FHIT: variants seen among roughly 807,000 people sequenced by gnomAD.
FHIT encodes fragile histidine triad diadenosine triphosphatase, also known as bis(5'-adenosyl)-triphosphatase.
In FHIT, 19 loss-of-function variants were observed where a neutral mutation model predicts 17.9. The observed-to-expected ratio is 1.06, with a 90% CI of 0.74 to 1.56. FHIT has a LOEUF of 1.56. Among genes scored for constraint, FHIT ranks in the 40% most tolerant of loss-of-function variants. The pLI is 0.00. For synonymous variants in FHIT, 81 were observed against 69.7 expected (o/e 1.16, Z -0.81); for missense variants, 248 against 189.2 (o/e 1.31, Z -1.82).
intron 2 of FHIT, among the ~76,000 whole-genome samples, chr3:61,181,543 G>A (rs1054541991): frequency 1.7e-4 from 26 of 152,188 alleles, no homozygotes. Flanking sequence ...CACCTGGCCT[G>A]TCATGTCCAG....
At chr3:60,710,807 G>A (rs1450529713) in intron 4 of FHIT, among the ~76,000 whole-genome samples, 1 of 152,218 alleles carries the variant, frequency 6.6e-6, no homozygotes, top group Non-Finnish European at 1.5e-5. Flanking sequence ...AGATCAAGGA[G>A]GCCTGCCTGC....
intron 8 of FHIT, among the ~76,000 whole-genome samples, chr3:59,907,806 T>C (rs9810994): frequency 0.11 from 16,494 of 152,278 alleles, 1,667 homozygotes; most frequent in East Asian, 0.39. Context: ...GTGTAATGGG[T>C]TAAAATTCAG....
chr3:59,794,682 C>G (rs751055380), intron 8 of FHIT, among the ~76,000 whole-genome samples: 66 of 152,228 alleles, frequency 4.3e-4, no homozygotes, highest in Non-Finnish European at 7.9e-4. Flanking sequence ...TTCCTGTGTG[C>G]TAAGCACTCT....
intron 4 of FHIT, among the ~76,000 whole-genome samples, chr3:60,771,930 C>G (rs905115313): frequency 6.6e-6 from 1 of 152,154 alleles, no homozygotes; most frequent in Non-Finnish European, 1.5e-5. Context: ...ATCTCAGACA[C>G]AATTTTGGCT....
At chr3:59,832,236 C>T (rs562731674) in intron 8 of FHIT, among the ~76,000 whole-genome samples, 1 of 152,240 alleles carries the variant, frequency 6.6e-6, no homozygotes, top group Admixed American at 6.5e-5. Flanking sequence ...GTTTCAGGAG[C>T]CATGGGAGCA....
At chr3:60,705,642 C>T (rs1185515594) in intron 4 of FHIT, among the ~76,000 whole-genome samples, 1 of 152,270 alleles carries the variant, frequency 6.6e-6, no homozygotes, top group African/African-American at 2.4e-5. Flanking sequence ...TCATGGTTTC[C>T]AGTAAATATG....
At chr3:60,503,766 G>T (rs912857390) in intron 5 of FHIT, among the ~76,000 whole-genome samples, 1 of 152,142 alleles carries the variant, frequency 6.6e-6, no homozygotes, top group Non-Finnish European at 1.5e-5. Context: ...GTAGAGTAGT[G>T]TTGTGTTCTA....
intron 8 of FHIT, among the ~76,000 whole-genome samples, chr3:59,781,654 C>G (rs1371250848): frequency 6.6e-6 from 1 of 152,220 alleles, no homozygotes; most frequent in East Asian, 1.9e-4. Context: ...GGATTTCATC[C>G]TGCTAATGCA....
chr3:61,155,759 C>T (rs1166402093), intron 2 of FHIT, among the ~76,000 whole-genome samples: 1 of 152,122 alleles, frequency 6.6e-6, no homozygotes, highest in African/African-American at 2.4e-5. Context: ...GTAATATCTA[C>T]AGACTTCACT....
chr3:60,975,447 C>T (rs958416642), intron 3 of FHIT, among the ~76,000 whole-genome samples: 1 of 152,186 alleles, frequency 6.6e-6, no homozygotes, highest in East Asian at 1.9e-4. Context: ...GCTTTATTTC[C>T]CTCATTCACA....
intron 7 of FHIT, among the ~76,000 whole-genome samples, chr3:59,956,747 C>T (rs930167531): frequency 7.2e-5 from 11 of 152,160 alleles, no homozygotes; most frequent in Admixed American, 7.2e-4. Context: ...AGAACAGTAG[C>T]CACCTCACAT....
At chr3:61,136,959 G>T (rs9831698) in intron 2 of FHIT, among the ~76,000 whole-genome samples, 26,484 of 152,176 alleles carry the variant, frequency 0.17, 2,780 homozygotes, top group East Asian at 0.44. Flanking sequence ...GAAAACACTG[G>T]TGTCAGGTGT....
intron 5 of FHIT, among the ~76,000 whole-genome samples, chr3:60,305,024 T>C (rs575489631): frequency 3.9e-5 from 6 of 152,168 alleles, no homozygotes; most frequent in Non-Finnish European, 8.8e-5. Context: ...TTGTCACATT[T>C]TATATCTAAA....
At chr3:60,587,353 G>A (rs1363073962) in intron 4 of FHIT, among the ~76,000 whole-genome samples, 4 of 151,938 alleles carry the variant, frequency 2.6e-5, no homozygotes, top group Admixed American at 1.3e-4. Context: ...GCCAGTTGGC[G>A]GGTGGGGAGC....
intron 8 of FHIT, among the ~76,000 whole-genome samples, chr3:59,852,463 C>T (rs1701979838): frequency 6.6e-6 from 1 of 152,110 alleles, no homozygotes; most frequent in African/African-American, 2.4e-5. Context: ...TATGTTGCCT[C>T]CCATATTAAC....
At chr3:59,985,365 T>G (rs562957194) in intron 7 of FHIT, among the ~76,000 whole-genome samples, 1 of 152,276 alleles carries the variant, frequency 6.6e-6, no homozygotes, top group African/African-American at 2.4e-5. Context: ...GGGGGTTATT[T>G]GTAAAACCTT....
At chr3:60,755,362 G>A (rs2042551453) in intron 4 of FHIT, among the ~76,000 whole-genome samples, 1 of 152,218 alleles carries the variant, frequency 6.6e-6, no homozygotes, top group Non-Finnish European at 1.5e-5. Flanking sequence ...AGGTGGGAAT[G>A]CAGGCCCATA....
chr3:60,382,038 C>T (rs1023140179), intron 5 of FHIT, among the ~76,000 whole-genome samples: 2 of 152,206 alleles, frequency 1.3e-5, no homozygotes, highest in African/African-American at 4.8e-5. Context: ...GGCTTAATAG[C>T]TACTATACTA....
At chr3:60,445,684 TTTC>T (rs1317225578) in intron 5 of FHIT, among the ~76,000 whole-genome samples, 9 of 152,054 alleles carry the variant, frequency 5.9e-5, no homozygotes. Context: ...TGAACTTGCT[TTTC>T]TTATTTTTCC....
Sources: gnomAD v4.1 joint callset for allele counts (sites outside exome capture counted in the v4.1 genomes callset) on GRCh38, gnomAD v4.1.1 for gene constraint, MANE v1.5 for transcripts, NCBI Gene and HGNC (gene_info 2026-07-23, HGNC 2026-07-21) for gene names.